Variants in ZNF320 observed in about 807,000 individuals in gnomAD.
ZNF320 encodes zinc finger protein 320, also known as zinc finger gene 320.
ZNF320 carries 2 observed loss-of-function variants against 6.8 expected under a neutral mutation model. The observed-to-expected ratio is 0.29, with a 90% CI of 0.12 to 0.93. ZNF320 has a LOEUF of 0.93. ZNF320 is among the 40% of genes least tolerant of loss of function. The probability of loss-of-function intolerance (pLI) is 0.55; values close to 1 mark genes in which losing one functional copy is unlikely to be tolerated. For synonymous variants in ZNF320, 208 were observed against 203.2 expected (o/e 1.02, Z -0.20); for missense variants, 472 against 611.0 (o/e 0.77, Z 2.40).
At chr19:52,893,253 C>A (rs964281059) in intron 2 of ZNF320, 1 of 152,080 alleles carries the variant, frequency 6.6e-6, no homozygotes, top group Non-Finnish European at 1.5e-5. Flanking sequence ...GCCCCAGGCA[C>A]CTCCCCAATG....
At chr19:52,894,381 CAA>C (rs35688862) in intron 1 of ZNF320, among the ~76,000 whole-genome samples, 23 of 98,114 alleles carry the variant, frequency 2.3e-4, no homozygotes, top group East Asian at 6.4e-4. Flanking sequence ...AAGACTGTCT[CAA>C]AAAAAAAAAA....
downstream of ZNF320, chr19:52,874,171 A>G (rs1214850115): frequency 3.2e-5 from 7 of 217,830 alleles, no homozygotes; most frequent in Admixed American, 3.4e-4. Flanking sequence ...GGAGAAAGAC[A>G]GCCCTCTGCT....
chr19:52,867,177 A>G (rs544585640), intron 5 of ZNF320, among the ~76,000 whole-genome samples: 1 of 151,468 alleles, frequency 6.6e-6, no homozygotes, highest in Non-Finnish European at 1.5e-5. Context: ...TTAATTAATT[A>G]ATTAATTAAT....
chr19:52,860,254 C>G (rs2063479852), downstream of ZNF320, among the ~76,000 whole-genome samples: 1 of 152,012 alleles, frequency 6.6e-6, no homozygotes, highest in African/African-American at 2.4e-5. Context: ...TAAGATATGT[C>G]TACCTGCCGG....
chr19:52,889,638 C>G (rs1254202787), intron 4 of ZNF320, among the ~76,000 whole-genome samples: 1 of 152,102 alleles, frequency 6.6e-6, no homozygotes, highest in Non-Finnish European at 1.5e-5. Context: ...AATGGTCTAA[C>G]GAATCTCCTG....
In ZNF320 at chr19:52,880,783, T is replaced by C; in HGVS notation, c.1343A>G (p.Lys448Arg). Residue 448 changes from lysine to arginine, a missense_variant, in exon 6 of 6, where the codon AAA becomes AGA. Lys to Arg is a conservative substitution (Grantham distance 26, BLOSUM62 2). Around this residue, in one of 2 missense-constraint regions of ZNF320, gnomAD observed 462 missense variants for 559.7 expected, o/e 0.83. Coordinates refer to ENST00000682928, the MANE Select transcript of ZNF320 (RefSeq NM_001351774.2). ...EKPHKCGDCG[K>R]AFNSPSHLIR... ...AAGGTGTGAAGGTGAATTAAAGGCT[T>C]TACCACAATCACCACACTTGTGAGG... 6.2e-7 allele frequency: 1 copy of C among 1,613,954 alleles called. No homozygotes were observed. The highest frequency in any genetic ancestry group is 8.5e-7 in the Non-Finnish European group (1 of 1,179,846).
In ZNF320 at chr19:52,880,557, T is replaced by G; in HGVS notation, c.*39A>C. ...ATTAATGCTTGAAATCAATGTTAAG[T>G]CAACTCAAACTCAGGTCAATGCTGA... On this transcript the variant is annotated 3_prime_UTR_variant, in exon 6 of 6. Coordinates refer to ENST00000682928, the MANE Select transcript of ZNF320 (RefSeq NM_001351774.2). 5 of 1,543,098 alleles carry G rather than the reference T, an allele frequency of 3.2e-6. No individual in the cohort carries two copies. Among genetic ancestry groups the G allele is most frequent in the East Asian group, 2.2e-5 (1 of 44,502 alleles).
intron 1 of ZNF320, chr19:52,895,901 A>AT (rs1442145473): frequency 6.6e-6 from 1 of 151,328 alleles, no homozygotes; most frequent in Non-Finnish European, 1.5e-5. Context: ...ACTAGAAAGC[A>AT]TGCAGTCTTC....
rs777426207 is a variant in ZNF320, at chr19:52,890,229, A to G, written c.15+12T>C. 1 of 1,607,256 alleles carries G rather than the reference A, an allele frequency of 6.2e-7. No individual in the cohort carries two copies. On this transcript the variant is annotated intron_variant, in intron 4 of 5. Coordinates refer to ENST00000682928, the MANE Select transcript of ZNF320 (RefSeq NM_001351774.2). Reference sequence around the variant, plus strand: ...AAGGAGACAGAACAATCCACCGAGAATATCATCTCACCTGAGAAAGAGCCA... The same window carrying G: ...AAGGAGACAGAACAATCCACCGAGAGTATCATCTCACCTGAGAAAGAGCCA...
chr19:52,884,246 T>C (rs1374626323), intron 5 of ZNF320, among the ~76,000 whole-genome samples: 3 of 152,178 alleles, frequency 2.0e-5, no homozygotes, highest in Admixed American at 6.5e-5. Context: ...ACTTCCTTTT[T>C]CGTTTATTCT....
At chr19:52,902,719 T>A in the ZNF320 span, among the ~76,000 whole-genome samples, 1 of 152,236 alleles carries the variant, frequency 6.6e-6, no homozygotes, top group African/African-American at 2.4e-5. Context: ...ATGTTAAATT[T>A]AATTTTAATG....
At chr19:52,875,316 G>C (rs910040281), downstream of ZNF320, among the ~76,000 whole-genome samples, 13 of 152,290 alleles carry the variant, frequency 8.5e-5, no homozygotes, top group Middle Eastern at 3.4e-3. Context: ...GAGAGCTGAG[G>C]AGACAACTGC....
chr19:52,872,793 G>C (rs1162945849), downstream of ZNF320, among the ~76,000 whole-genome samples: 2 of 152,102 alleles, frequency 1.3e-5, no homozygotes, highest in Admixed American at 1.3e-4. Context: ...GAGCCACCGC[G>C]CCCAGCCTCT....
At chr19:52,890,151 T>G (rs1358265235) in intron 4 of ZNF320, 90 bp downstream of exon 4, 9 of 1,551,362 alleles carry the variant, frequency 5.8e-6, no homozygotes, top group African/African-American at 2.7e-5. Context: ...TCAGGCAGGA[T>G]GCTTCAGACT....
Position 52,878,707 on chromosome 19 carries a change from C to T in ZNF320, c.*1889G>A, listed in dbSNP as rs1435759533. ...ACTTTACCAGATTCATTTTTCGATA[C>T]ACTATCTGTCTCTGTCACCCATGCT... On this transcript the variant is annotated 3_prime_UTR_variant, in exon 6 of 6. Transcript: ENST00000682928. 6.6e-6 allele frequency: 1 copy of T among 151,926 alleles called. No homozygotes were observed. The highest frequency in any genetic ancestry group is 1.5e-5 in the Non-Finnish European group (1 of 67,998). 9.4% of individuals were successfully genotyped at this position (151,926 alleles called of 1,614,324 possible).
downstream of ZNF320, among the ~76,000 whole-genome samples, chr19:52,860,605 A>AAAAAAAAG (rs1831263821): frequency 2.0e-5 from 3 of 151,852 alleles, no homozygotes. Context: ...ATCAAAAAAA[A>AAAAAAAAG]AAAAAGAAAA....
At chr19:52,884,685 C>G (rs1318727863) in intron 5 of ZNF320, among the ~76,000 whole-genome samples, 2 of 152,096 alleles carry the variant, frequency 1.3e-5, no homozygotes, top group Non-Finnish European at 2.9e-5. Flanking sequence ...CTCCTGACCT[C>G]AAGCAATCTA....
At chr19:52,889,392 C>T (rs1023255552) in intron 4 of ZNF320, among the ~76,000 whole-genome samples, 2 of 151,734 alleles carry the variant, frequency 1.3e-5, no homozygotes, top group African/African-American at 4.8e-5. Flanking sequence ...GCAGAGGGTG[C>T]AGTAAGCCAA....
chr19:52,862,423 T>A (rs1456287449), exon 6 of ZNF320: 3 of 434,472 alleles, frequency 6.9e-6, no homozygotes, highest in African/African-American at 6.1e-5. Context: ...TTGTCACAGG[T>A]TTTTCTCCAG....
Sources: allele counts gnomAD v4.1 joint callset (sites outside exome capture counted in the v4.1 genomes callset), GRCh38; gene constraint gnomAD v4.1.1; regional missense constraint gnomAD v4.1.1; transcripts MANE v1.5; gene names NCBI Gene and HGNC (gene_info 2026-07-23, HGNC 2026-07-21).